Variants in RAP1GDS1 observed in about 807,000 individuals in gnomAD.
RAP1GDS1 encodes Rap1 GTPase-GDP dissociation stimulator 1.
In RAP1GDS1, 35 loss-of-function variants were observed where a neutral mutation model predicts 71.1. The observed-to-expected ratio is 0.49, with a 90% CI of 0.38 to 0.65. The LOEUF is 0.65. RAP1GDS1 is among the 30% of genes least tolerant of loss of function. RAP1GDS1 has a pLI of 0.00. For missense variants in RAP1GDS1, 663 were observed against 706.1 expected (o/e 0.94, Z 0.69); for synonymous variants, 229 against 243.1 (o/e 0.94, Z 0.54).
At chr4:98,365,761 T>C (rs2110453608) in intron 4 of RAP1GDS1, among the ~76,000 whole-genome samples, 1 of 152,342 alleles carries the variant, frequency 6.6e-6, no homozygotes, top group African/African-American at 2.4e-5. Flanking sequence ...TTTTACTGAT[T>C]GTTAATATAC....
At chr4:98,275,414 A>C (rs1249063737) in intron 1 of RAP1GDS1, among the ~76,000 whole-genome samples, 1 of 152,216 alleles carries the variant, frequency 6.6e-6, no homozygotes, top group Admixed American at 6.5e-5. Context: ...ATCATAATGC[A>C]AACACAGCTA....
intron 2 of RAP1GDS1, among the ~76,000 whole-genome samples, chr4:98,334,759 GAT>G (rs1292609798): frequency 6.6e-6 from 1 of 151,740 alleles, no homozygotes; most frequent in Non-Finnish European, 1.5e-5. Context: ...ATTTCCAAAA[GAT>G]ACTTAAGTCG....
chr4:98,310,026 T>C (rs1266627612), intron 2 of RAP1GDS1, among the ~76,000 whole-genome samples: 1 of 152,106 alleles, frequency 6.6e-6, no homozygotes. Context: ...CATACTGTTG[T>C]GCTATGTCAT....
At chr4:98,434,906 TCCA>T (rs1561016140) in intron 13 of RAP1GDS1, among the ~76,000 whole-genome samples, 1 of 151,988 alleles carries the variant, frequency 6.6e-6, no homozygotes, top group Non-Finnish European at 1.5e-5. Flanking sequence ...ACAGGCGTGA[TCCA>T]CCATGCCCGG....
intron 7 of RAP1GDS1, among the ~76,000 whole-genome samples, chr4:98,411,465 T>G (rs991155401): frequency 6.6e-5 from 10 of 152,156 alleles, no homozygotes; most frequent in African/African-American, 1.9e-4. Flanking sequence ...AAAAATTAAT[T>G]AAAATTTTAA....
intron 1 of RAP1GDS1, among the ~76,000 whole-genome samples, chr4:98,290,174 A>G (rs1578320933): frequency 6.6e-6 from 1 of 152,142 alleles, no homozygotes. Flanking sequence ...TAGTAAAGTG[A>G]TAGAATTGAT....
chr4:98,360,858 G>C (rs1054385497), intron 4 of RAP1GDS1, among the ~76,000 whole-genome samples: 15 of 152,136 alleles, frequency 9.9e-5, no homozygotes, highest in African/African-American at 2.9e-4. Flanking sequence ...GATCACTTGA[G>C]GTCAGGAGTT....
At chr4:98,366,146 C>T (rs1739453589) in intron 4 of RAP1GDS1, among the ~76,000 whole-genome samples, 1 of 152,010 alleles carries the variant, frequency 6.6e-6, no homozygotes, top group African/African-American at 2.4e-5. Flanking sequence ...ATCTTGAATT[C>T]CCATGTATTG....
chr4:98,385,918 G>A (rs1742677383), intron 5 of RAP1GDS1, among the ~76,000 whole-genome samples: 1 of 151,794 alleles, frequency 6.6e-6, no homozygotes, highest in South Asian at 2.1e-4. Flanking sequence ...AGCTTAACTT[G>A]CTGTACAAAA....
intron 2 of RAP1GDS1, among the ~76,000 whole-genome samples, chr4:98,337,943 G>C (rs1205777244): frequency 6.6e-6 from 1 of 152,104 alleles, no homozygotes; most frequent in African/African-American, 2.4e-5. Flanking sequence ...AAAATTTAAA[G>C]GAATGACATA....
chr4:98,282,576 ATTTT>A (rs61020374), intron 1 of RAP1GDS1, among the ~76,000 whole-genome samples: 9 of 133,578 alleles, frequency 6.7e-5, no homozygotes, highest in Admixed American at 1.5e-4. Context: ...GGATTCATTG[ATTTT>A]TTTTTTTTTT....
chr4:98,434,029 G>T lies in RAP1GDS1; in HGVS notation c.1534G>T (p.Val512Phe), dbSNP rs373870591. The part of the protein sequence containing the change: ...EHVIMQNEAL[V>F]ALALIAALEL... The stretch of plus-strand genomic sequence containing the variant: ...TGTAATAATGCAGAATGAAGCTCTT[G>T]TTGCTTTGGCATTAATAGCAGCTTT... Residue 512 changes from valine to phenylalanine, a missense_variant, in exon 13 of 15, where the codon GTT (valine) becomes TTT (phenylalanine). By Grantham distance (50) the Val-to-Phe change is conservative. Transcript: ENST00000408927. 6.2e-7 allele frequency: 1 copy of T among 1,613,804 alleles called. No homozygotes were observed. Among genetic ancestry groups the T allele is most frequent in the Admixed American group, 1.7e-5 (1 of 60,024 alleles).
In RAP1GDS1 at chr4:98,333,570, G is replaced by A. The variant is rs182002479; in HGVS notation, c.113-9569G>A. Among the ~76,000 whole-genome samples the A allele has an allele frequency of 4.6e-5, 7 of 152,108 alleles. No homozygotes were observed. The East Asian group carries it at 1.4e-3, about 29-fold the overall frequency. ...TAAGAATCTTAATTGGAAAGACCCA[G>A]ACATTTAATGAATATCTATTACTTA... On this transcript the variant is annotated intron_variant, in intron 2 of 14. Transcript: ENST00000408927.
chr4:98,414,008 A>G (rs1254342931), intron 7 of RAP1GDS1, among the ~76,000 whole-genome samples: 1 of 152,134 alleles, frequency 6.6e-6, no homozygotes, highest in African/African-American at 2.4e-5. Flanking sequence ...TTGGCTGCAT[A>G]AATGTCTTCT....
chr4:98,290,667 T>A (rs1190534443), intron 1 of RAP1GDS1, among the ~76,000 whole-genome samples: 1 of 152,116 alleles, frequency 6.6e-6, no homozygotes, highest in East Asian at 1.9e-4. Flanking sequence ...TGGGAAAGTA[T>A]AGCTGTTTGT....
intron 5 of RAP1GDS1, among the ~76,000 whole-genome samples, chr4:98,388,309 A>G (rs1176137576): frequency 3.3e-5 from 5 of 152,200 alleles, no homozygotes; most frequent in Non-Finnish European, 5.9e-5. Flanking sequence ...TCAGAGTGCC[A>G]AAATCTAGGA....
chr4:98,289,058 A>G (rs1726497128), intron 1 of RAP1GDS1, among the ~76,000 whole-genome samples: 1 of 152,116 alleles, frequency 6.6e-6, no homozygotes, highest in Non-Finnish European at 1.5e-5. Context: ...AAGTAAGATA[A>G]TTTGAATGGT....
chr4:98,406,102 A>G lies in RAP1GDS1; in HGVS notation c.763+1500A>G, dbSNP rs555699576. Among the ~76,000 whole-genome samples, 3 of 152,160 alleles carry G rather than the reference A, an allele frequency of 2.0e-5. No individual in the cohort carries two copies. In the South Asian group the frequency reaches 6.2e-4, roughly 32 times the overall value. ...AGAACAAATGGAAGCGACTTATGGA[A>G]AGGTTTTTTAATACCCTAGTAATGC... On this transcript the variant is annotated intron_variant, in intron 7 of 14. Coordinates refer to ENST00000408927, the MANE Select transcript of RAP1GDS1 (RefSeq NM_001100427.2).
intron 1 of RAP1GDS1, among the ~76,000 whole-genome samples, chr4:98,291,318 A>G (rs1726879454): frequency 1.3e-5 from 2 of 152,206 alleles, no homozygotes; most frequent in African/African-American, 2.4e-5. Flanking sequence ...TTGTTTTAAG[A>G]AAAAATTTTA....
Sources: gnomAD v4.1 joint callset for allele counts (sites outside exome capture counted in the v4.1 genomes callset) on GRCh38, gnomAD v4.1.1 for gene constraint, MANE v1.5 for transcripts, NCBI Gene and HGNC (gene_info 2026-07-23, HGNC 2026-07-21) for gene names.